LEF1: variants seen among roughly 807,000 people sequenced by gnomAD.
The protein encoded by LEF1 is lymphoid enhancer-binding factor 1.
LEF1 carries 14 observed loss-of-function variants against 51.2 expected under a neutral mutation model. The observed-to-expected ratio is 0.27, with a 90% CI of 0.18 to 0.43. The LOEUF (loss-of-function observed/expected upper bound fraction) is 0.43. Ranked by LOEUF, LEF1 falls within the 20% of genes least tolerant of loss-of-function variation. LEF1 has a pLI of 1.00. For missense variants in LEF1, 386 were observed against 512.0 expected (o/e 0.75, Z 2.37); for synonymous variants, 185 against 183.2 (o/e 1.01, Z -0.08).
intron 3 of LEF1, among the ~76,000 whole-genome samples, chr4:108,091,270 C>T (rs200224321): frequency 1.8e-4 from 28 of 152,012 alleles, no homozygotes; most frequent in Non-Finnish European, 3.2e-4. Context: ...GCTGTACCTA[C>T]GACATACACT....
intron 4 of LEF1, among the ~76,000 whole-genome samples, chr4:108,086,666 G>T (rs1005665320): frequency 7.7e-4 from 117 of 152,298 alleles, no homozygotes; most frequent in African/African-American, 2.4e-3. Flanking sequence ...TGGAGCAAAA[G>T]TATAAGTATT....
intron 4 of LEF1, among the ~76,000 whole-genome samples, chr4:108,086,829 T>TACACACAC (rs139231288): frequency 0.056 from 8,302 of 149,270 alleles, 274 homozygotes; most frequent in Non-Finnish European, 0.076. Flanking sequence ...CACACACACT[T>TACACACAC]ACACACACAC....
Position 108,073,425 on chromosome 4 carries a change from A to G in LEF1, c.1009-2655T>C, listed in dbSNP as rs960719565. 3.3e-5 allele frequency among the ~76,000 whole-genome samples: 5 copies of G among 152,214 alleles called. No homozygotes were observed. In the South Asian group the frequency reaches 6.2e-4, roughly 19 times the overall value. ...AACTGATATTTACACAATTAGCTTT[A>G]GTGCTAAATAAGGATGATTGGCAAG... On this transcript the variant is annotated intron_variant, in intron 8 of 11. Transcript: ENST00000265165.
At chr4:108,155,455 G>T (rs769548231) in intron 3 of LEF1, among the ~76,000 whole-genome samples, 3 of 152,154 alleles carry the variant, frequency 2.0e-5, no homozygotes, top group Non-Finnish European at 2.9e-5. Flanking sequence ...TTTTCTAAAG[G>T]TTTGTGTAAG....
intron 3 of LEF1, among the ~76,000 whole-genome samples, chr4:108,162,752 C>A (rs1002415229): frequency 6.6e-6 from 1 of 152,006 alleles, no homozygotes; most frequent in Non-Finnish European, 1.5e-5. Flanking sequence ...AGTAAAAAGT[C>A]CGTCACCAAC....
intron 3 of LEF1, among the ~76,000 whole-genome samples, chr4:108,133,366 T>C (rs1272435589): frequency 6.6e-6 from 1 of 152,208 alleles, no homozygotes; most frequent in Non-Finnish European, 1.5e-5. Context: ...TATGTAATCA[T>C]GGAATACAAG....
intron 3 of LEF1, among the ~76,000 whole-genome samples, chr4:108,142,572 C>G (rs557954716): frequency 6.6e-6 from 1 of 152,276 alleles, no homozygotes; most frequent in East Asian, 1.9e-4. Flanking sequence ...TGATTAAATA[C>G]ATTGTGTAAT....
intron 3 of LEF1, among the ~76,000 whole-genome samples, chr4:108,099,580 A>G (rs1189926676): frequency 0.025 from 933 of 37,010 alleles, 57 homozygotes; most frequent in African/African-American, 0.097. Flanking sequence ...GTATATATAT[A>G]TATATATATA....
intron 3 of LEF1, among the ~76,000 whole-genome samples, chr4:108,098,451 A>C (rs1350730503): frequency 6.6e-6 from 1 of 152,094 alleles, no homozygotes; most frequent in Non-Finnish European, 1.5e-5. Flanking sequence ...TGGAGGGTGC[A>C]AAATTCCATA....
intron 11 of LEF1, among the ~76,000 whole-genome samples, chr4:108,058,009 G>A (rs140610035): frequency 3.3e-5 from 5 of 152,044 alleles, no homozygotes; most frequent in Admixed American, 3.3e-4. Context: ...GAGCAGCTGG[G>A]ATTACAGGCG....
At chr4:108,150,698 A>G (rs776905754) in intron 3 of LEF1, among the ~76,000 whole-genome samples, 1 of 152,058 alleles carries the variant, frequency 6.6e-6, no homozygotes, top group Non-Finnish European at 1.5e-5. Flanking sequence ...ATTCCCTACC[A>G]CTTATTAAAC....
At chr4:108,072,325 C>T (rs1738544384) in intron 8 of LEF1, 1 of 152,232 alleles carries the variant, frequency 6.6e-6, no homozygotes, top group South Asian at 2.1e-4. Context: ...AAAACAAACA[C>T]CTGCTGCTCT....
chr4:108,117,779 G>A (rs976923788), intron 3 of LEF1, among the ~76,000 whole-genome samples: 25 of 152,216 alleles, frequency 1.6e-4, no homozygotes, highest in Non-Finnish European at 1.2e-4. Context: ...TGGGCAGCTC[G>A]CCAGCCTCTG....
intron 7 of LEF1, chr4:108,078,591 T>A: frequency 1.7e-6 from 1 of 598,964 alleles, no homozygotes; most frequent in Admixed American, 2.9e-5. Context: ...TAGGGCTTCC[T>A]ATCTACTCAG....
At chr4:108,083,551 C>A in intron 4 of LEF1, 105 bp from the exon 5 acceptor site, 1 of 668,288 alleles carries the variant, frequency 1.5e-6, no homozygotes, top group Non-Finnish European at 2.5e-6. Context: ...CAGAATGAAA[C>A]AATATTTATT....
chr4:108,064,284 A>G, intron 10 of LEF1, 52 bp downstream of exon 10: 1 of 1,293,404 alleles, frequency 7.7e-7, no homozygotes, highest in Non-Finnish European at 1.1e-6. Flanking sequence ...ACTGCCTTAA[A>G]AGGTGTTTGT....
intron 3 of LEF1, 123 bp from the exon 4 acceptor site, chr4:108,089,380 G>T (rs1739861637): frequency 2.1e-6 from 2 of 958,460 alleles, no homozygotes; most frequent in Non-Finnish European, 3.0e-6. Context: ...ATCACCTTCA[G>T]ACCTGGACAG....
intron 3 of LEF1, among the ~76,000 whole-genome samples, chr4:108,115,374 A>G (rs62310684): frequency 1.3e-5 from 2 of 152,210 alleles, no homozygotes; most frequent in Non-Finnish European, 2.9e-5. Context: ...TGGTGAGTCC[A>G]TGTCATTCTT....
intron 3 of LEF1, among the ~76,000 whole-genome samples, chr4:108,143,531 A>G (rs1743802233): frequency 6.6e-6 from 1 of 152,202 alleles, no homozygotes; most frequent in Admixed American, 6.5e-5. Flanking sequence ...AGGCAAAAAA[A>G]CATTTCTTTT....
Sources: allele counts gnomAD v4.1 joint callset (sites outside exome capture counted in the v4.1 genomes callset), GRCh38; gene constraint gnomAD v4.1.1; transcripts MANE v1.5; gene names NCBI Gene and HGNC (gene_info 2026-07-23, HGNC 2026-07-21).